FUT8: variants seen among roughly 807,000 people sequenced by gnomAD.
The protein encoded by FUT8 is alpha-(1,6)-fucosyltransferase.
FUT8 carries 29 observed loss-of-function variants against 71.3 expected under a neutral mutation model. The ratio of observed to expected loss-of-function variants is 0.41; its 90% CI spans 0.30 to 0.55. The LOEUF is 0.55. FUT8 is among the 20% of genes least tolerant of loss of function. The pLI is 0.34. For synonymous variants in FUT8, 254 were observed against 239.3 expected (o/e 1.06, Z -0.57); for missense variants, 544 against 702.1 (o/e 0.77, Z 2.55).
At chr14:65,546,251 T>G (rs1472522102) in intron 2 of FUT8, among the ~76,000 whole-genome samples, 1 of 151,810 alleles carries the variant, frequency 6.6e-6, no homozygotes, top group Non-Finnish European at 1.5e-5. Context: ...CATCACTATC[T>G]GTTAGTTTCT....
chr14:65,526,990 T>A (rs1477791603), intron 2 of FUT8, among the ~76,000 whole-genome samples: 2 of 152,236 alleles, frequency 1.3e-5, no homozygotes, highest in African/African-American at 4.8e-5. Flanking sequence ...CTGGCTGCCC[T>A]TAACATTTTT....
chr14:65,614,042 A>G (rs2140215013), intron 3 of FUT8, among the ~76,000 whole-genome samples: 1 of 148,414 alleles, frequency 6.7e-6, no homozygotes, highest in Non-Finnish European at 1.5e-5. Flanking sequence ...TGAATCTGGG[A>G]GGCAGTGGTT....
the FUT8 span, among the ~76,000 whole-genome samples, chr14:65,388,976 G>A: frequency 6.6e-6 from 1 of 150,924 alleles, no homozygotes; most frequent in Admixed American, 6.6e-5. Context: ...AAATATAAAT[G>A]TATATATGCA....
chr14:65,418,252 C>T (rs1419054345), intron 1 of FUT8, among the ~76,000 whole-genome samples: 2 of 152,150 alleles, frequency 1.3e-5, no homozygotes, highest in African/African-American at 2.4e-5. Flanking sequence ...TAACGTATAA[C>T]TAAAATGAAC....
chr14:65,723,596 G>C (rs1006028112), intron 8 of FUT8, among the ~76,000 whole-genome samples: 1 of 152,206 alleles, frequency 6.6e-6, no homozygotes, highest in Non-Finnish European at 1.5e-5. Context: ...AGGTTTGCTG[G>C]TCTTAACGGT....
rs117832627 is a variant in FUT8 at position 65,528,232 on chromosome 14, G to A, written c.-227-33105G>A. 3.4e-3 allele frequency among the ~76,000 whole-genome samples: 515 copies of A among 152,274 alleles called. 3 individuals are homozygous for A. The East Asian group carries it at 0.039, about 11-fold the overall frequency. ...CTTCCAGGCCTCTTTATTTACCTAC[G>A]CAAGCCTCAGCAATGGCAGGTACCC... On this transcript the variant is annotated intron_variant, in intron 2 of 10. Transcript: ENST00000673929.
chr14:65,680,295 C>A (rs1350184372), intron 7 of FUT8, among the ~76,000 whole-genome samples: 1 of 152,206 alleles, frequency 6.6e-6, no homozygotes, highest in African/African-American at 2.4e-5. Context: ...TAAAGATATT[C>A]TCTTATGTTT....
Position 65,627,163 on chromosome 14 carries a change from T to C in FUT8, c.483-2329T>C, listed in dbSNP as rs1030836678. ...AAGCAACCAAAAAAAAGTTCATTCT[T>C]TTGGAGCTTAAATTCTAGTAGGGCA... is the stretch of plus-strand genomic sequence containing the variant. On this transcript the variant is annotated intron_variant, in intron 5 of 10. Coordinates refer to ENST00000673929, the MANE Select transcript of FUT8 (RefSeq NM_001371533.1). This position sits in a 1 kb window ranked among gnomAD's most constrained non-coding sequence, Gnocchi z 4.0. Among the ~76,000 whole-genome samples, 12 of 152,132 alleles carry C rather than the reference T, an allele frequency of 7.9e-5. No homozygotes were observed. The highest frequency in any genetic ancestry group is 2.9e-4 in the African/African-American group (12 of 41,420).
chr14:65,623,699 C>G (rs188336961), intron 5 of FUT8, among the ~76,000 whole-genome samples: 1 of 152,260 alleles, frequency 6.6e-6, no homozygotes, highest in Admixed American at 6.5e-5. Context: ...GCTTGGGCGA[C>G]AGAGAGAGAC....
intron 1 of FUT8, among the ~76,000 whole-genome samples, chr14:65,430,970 A>G (rs556980675): frequency 1.4e-5 from 2 of 145,508 alleles, no homozygotes; most frequent in East Asian, 2.0e-4. Flanking sequence ...TATAGGGGCT[A>G]TTTCAGACCT....
At chr14:65,464,628 A>AT (rs61069746) in intron 2 of FUT8, among the ~76,000 whole-genome samples, 1,892 of 149,946 alleles carry the variant, frequency 0.013, 24 homozygotes, top group African/African-American at 0.037. Flanking sequence ...TGATTGTATG[A>AT]TTTTTTTTTT....
At chr14:65,540,069 C>G (rs527861075) in intron 2 of FUT8, among the ~76,000 whole-genome samples, 2 of 152,254 alleles carry the variant, frequency 1.3e-5, no homozygotes, top group African/African-American at 2.4e-5. Context: ...TGGCCACACT[C>G]GACAGATGGC....
intron 1 of FUT8, among the ~76,000 whole-genome samples, chr14:65,417,739 G>GTGT: frequency 6.6e-6 from 1 of 152,274 alleles, no homozygotes; most frequent in East Asian, 1.9e-4. Flanking sequence ...TATAAGGGTA[G>GTGT]TGTTAATGTG....
In FUT8 at chr14:65,489,954, C is replaced by T. The variant is rs2139717019; in HGVS notation, c.-228+34236C>T. The stretch of plus-strand genomic sequence containing the variant: ...TTGCATTTATATAACAATTCTTAAT[C>T]TATTAGTTGCAGGGCAAAAATAATA... On this transcript the variant is annotated intron_variant, in intron 2 of 10. Coordinates refer to ENST00000673929, the MANE Select transcript of FUT8 (RefSeq NM_001371533.1). This position sits in a 1 kb window ranked among gnomAD's most constrained non-coding sequence, Gnocchi z 4.0. 6.6e-6 allele frequency among the ~76,000 whole-genome samples: 1 copy of T among 152,156 alleles called. No individual in the cohort carries two copies. The highest frequency in any genetic ancestry group is 1.9e-4 in the East Asian group (1 of 5,190).
chr14:65,460,508 G>A (rs944752320), intron 2 of FUT8, among the ~76,000 whole-genome samples: 2 of 152,160 alleles, frequency 1.3e-5, no homozygotes, highest in African/African-American at 4.8e-5. Context: ...AGGAATTAGA[G>A]CTTGAGGAAT....
chr14:65,649,014 T>A (rs915421039), intron 6 of FUT8, among the ~76,000 whole-genome samples: 1 of 152,248 alleles, frequency 6.6e-6, no homozygotes, highest in Non-Finnish European at 1.5e-5. Flanking sequence ...CCATTGCTTC[T>A]TATTTTCTCT....
intron 2 of FUT8, among the ~76,000 whole-genome samples, chr14:65,480,004 T>A (rs1192135882): frequency 6.6e-6 from 1 of 152,186 alleles, no homozygotes; most frequent in Non-Finnish European, 1.5e-5. Flanking sequence ...GGAAACTTCT[T>A]ACTATGATTG....
chr14:65,536,884 C>T (rs555679623), intron 2 of FUT8, among the ~76,000 whole-genome samples: 68 of 152,062 alleles, frequency 4.5e-4, no homozygotes, highest in African/African-American at 1.3e-3. Flanking sequence ...TCAAGGATGC[C>T]GATGAGTTGT....
rs1892383758 is a variant in FUT8, at chr14:65,669,658, A to G, written c.835+178A>G. ...TATTTTATCTTAAAAGTATTTTATTATGTATTTCATTTCTGATGCTCATTT... is the reference window on the plus strand; with the variant it reads ...TATTTTATCTTAAAAGTATTTTATTGTGTATTTCATTTCTGATGCTCATTT... On this transcript the variant is annotated intron_variant, in intron 7 of 10. Transcript: ENST00000673929. This position sits in a 1 kb window ranked among gnomAD's most constrained non-coding sequence, Gnocchi z 4.5. 6.6e-6 allele frequency among the ~76,000 whole-genome samples: 1 copy of G among 152,218 alleles called. No homozygotes were observed. The highest frequency in any genetic ancestry group is 1.5e-5 in the Non-Finnish European group (1 of 68,032).
Sources: gnomAD v4.1 joint callset for allele counts (sites outside exome capture counted in the v4.1 genomes callset) on GRCh38, gnomAD v4.1.1 for gene constraint, Gnocchi (gnomAD v3.1) non-coding constraint, MANE v1.5 for transcripts, NCBI Gene and HGNC (gene_info 2026-07-23, HGNC 2026-07-21) for gene names.